CACNA2D2: variants seen among roughly 807,000 people sequenced by gnomAD.
CACNA2D2 encodes the protein calcium voltage-gated channel auxiliary subunit alpha2delta 2, also known as voltage-dependent calcium channel subunit alpha-2/delta-2.
A neutral mutation model predicts 166.4 loss-of-function variants in CACNA2D2; 48 were observed. That is an observed-to-expected ratio of 0.29 (90% confidence interval 0.23 to 0.37). CACNA2D2 has a LOEUF of 0.37. Ranked by LOEUF, CACNA2D2 falls within the 10% of genes least tolerant of loss-of-function variation. The probability of loss-of-function intolerance (pLI) is 1.00; values close to 1 mark genes in which losing one functional copy is unlikely to be tolerated. For synonymous variants in CACNA2D2, 561 were observed against 573.7 expected (o/e 0.98, Z 0.32); for missense variants, 1,122 against 1,433.0 (o/e 0.78, Z 3.50).
At chr3:50,481,383 G>A (rs1698049935) in intron 1 of CACNA2D2, among the ~76,000 whole-genome samples, 1 of 152,206 alleles carries the variant, frequency 6.6e-6, no homozygotes, top group Non-Finnish European at 1.5e-5. Flanking sequence ...CAGATGGCCT[G>A]TCTGGATCAA....
chr3:50,498,590 C>T (rs1698821849), intron 1 of CACNA2D2, among the ~76,000 whole-genome samples: 1 of 152,194 alleles, frequency 6.6e-6, no homozygotes. Context: ...CCATGATGGC[C>T]TGTGTATACG....
chr3:50,364,622 G>C lies in CACNA2D2; in HGVS notation c.*44C>G. On this transcript the variant is annotated 3_prime_UTR_variant, in exon 38 of 38. Transcript: ENST00000424201. ...GGGGCAGGAGGGTGGGAAAGGCGAA[G>C]AGGCCGGGTGAGGTGGGAGTGGAGG... The C allele has an allele frequency of 1.4e-6, 2 of 1,465,856 alleles. No individual in the cohort carries two copies. Among genetic ancestry groups the C allele is most frequent in the African/African-American group, 1.4e-5 (1 of 70,048 alleles). The allele number at this position is 1,465,856 out of a possible 1,614,324, so 90.8% of individuals were successfully genotyped here.
chr3:50,458,462 G>A (rs1709461956), intron 2 of CACNA2D2, among the ~76,000 whole-genome samples: 1 of 152,208 alleles, frequency 6.6e-6, no homozygotes, highest in Admixed American at 6.5e-5. Flanking sequence ...CATGTGGAGG[G>A]TCAGGTGTAG....
At chr3:50,406,990 C>A (rs1187968236) in intron 3 of CACNA2D2, among the ~76,000 whole-genome samples, 1 of 151,886 alleles carries the variant, frequency 6.6e-6, no homozygotes, top group African/African-American at 2.4e-5. Flanking sequence ...GACTCAGTGA[C>A]CAGAGAGCTC....
chr3:50,450,271 G>A (rs1489038133), intron 2 of CACNA2D2, among the ~76,000 whole-genome samples: 1 of 152,082 alleles, frequency 6.6e-6, no homozygotes, highest in African/African-American at 2.4e-5. Flanking sequence ...GTCAGGTGAG[G>A]CAGTCCCTGA....
intron 3 of CACNA2D2, among the ~76,000 whole-genome samples, chr3:50,407,994 G>C (rs1706805888): frequency 6.6e-6 from 1 of 152,160 alleles, no homozygotes; most frequent in Non-Finnish European, 1.5e-5. Context: ...TTGTGCTTAT[G>C]AACATGGCCC....
chr3:50,384,367 A>G, intron 5 of CACNA2D2, 30 bp from the exon 6 acceptor site: 1 of 1,610,134 alleles, frequency 6.2e-7, no homozygotes, highest in East Asian at 2.2e-5. Flanking sequence ...GAGCAATGTC[A>G]GGGCTGGAAA....
At chr3:50,415,086 C>T (rs77453891) in intron 3 of CACNA2D2, among the ~76,000 whole-genome samples, 3,893 of 152,326 alleles carry the variant, frequency 0.026, 173 homozygotes, top group African/African-American at 0.088. Context: ...TCTCCACAGC[C>T]ACCCAGTGTG....
At chr3:50,413,849 A>AAAATAAATAAAT (rs59688623) in intron 3 of CACNA2D2, among the ~76,000 whole-genome samples, 43,066 of 151,122 alleles carry the variant, frequency 0.28, 8,743 homozygotes, top group African/African-American at 0.54. Flanking sequence ...TCCGTCTCAA[A>AAAATAAATAAAT]AAATAAATAA....
chr3:50,439,397 A>G (rs530650905), intron 2 of CACNA2D2, among the ~76,000 whole-genome samples: 2 of 152,356 alleles, frequency 1.3e-5, no homozygotes, highest in African/African-American at 4.8e-5. Context: ...GGAAAATTAA[A>G]TCAGAAAGAA....
chr3:50,420,980 C>T (rs1417069093), intron 3 of CACNA2D2, among the ~76,000 whole-genome samples: 1 of 152,200 alleles, frequency 6.6e-6, no homozygotes, highest in African/African-American at 2.4e-5. Context: ...TGGGGCAGGG[C>T]TCAGTCAGGC....
intron 4 of CACNA2D2, among the ~76,000 whole-genome samples, chr3:50,391,568 G>C (rs1705895271): frequency 6.6e-6 from 1 of 152,238 alleles, no homozygotes; most frequent in Non-Finnish European, 1.5e-5. Context: ...GTTGGCCAGG[G>C]ACGAGGAAGG....
intron 5 of CACNA2D2, among the ~76,000 whole-genome samples, chr3:50,385,871 C>T (rs1705578695): frequency 6.6e-6 from 1 of 152,196 alleles, no homozygotes; most frequent in Non-Finnish European, 1.5e-5. Flanking sequence ...ATGAAGGGCA[C>T]TAGAAAATTT....
At position 50,367,948 on chromosome 3, in the gene CACNA2D2, C is replaced by T. The variant is rs1367552197; in HGVS notation, c.2144-46G>A. ...TGGGGGTGGGGGCATCTTCTTGCAG[C>T]TCCTTGCCCACCCTCACCCCCACCC... is the stretch of plus-strand genomic sequence containing the variant. On this transcript the variant is annotated intron_variant, in intron 24 of 37. Coordinates refer to ENST00000424201, the MANE Select transcript of CACNA2D2 (RefSeq NM_006030.4). This position sits in a 1 kb window ranked among gnomAD's most constrained non-coding sequence, Gnocchi z 6.5. 7.2e-7 allele frequency: 1 copy of T among 1,391,820 alleles called. No homozygotes were observed. Among genetic ancestry groups the T allele is most frequent in the African/African-American group, 1.4e-5 (1 of 70,238 alleles). 86.2% of individuals were successfully genotyped at this position (1,391,820 alleles called of 1,614,324 possible). A position where few individuals can be genotyped will look rare whatever the true frequency, so the allele number is the denominator to read the frequency against.
Position 50,375,922 on chromosome 3 carries a change from C to T in CACNA2D2, c.1773+41G>A. On this transcript the variant is annotated intron_variant, in intron 19 of 37. Transcript: ENST00000424201. The surrounding 1 kb of genome is among the most constrained non-coding windows in gnomAD (Gnocchi z 4.0). ...TGTGAGGGGCAGGGCCCCTACACTC[C>T]TCTGCTCTGTCCCCCACCCCTGTTC... The T allele has an allele frequency of 6.2e-7, 1 of 1,612,998 alleles. No individual in the cohort carries two copies. The highest frequency in any genetic ancestry group is 8.5e-7 in the Non-Finnish European group (1 of 1,179,868).
chr3:50,503,278 G>T lies in CACNA2D2; in HGVS notation c.146C>A (p.Pro49Gln). 8.6e-7 allele frequency: 1 copy of T among 1,166,076 alleles called. No individual in the cohort carries two copies. Among genetic ancestry groups the T allele is most frequent in the African/African-American group, 1.6e-5 (1 of 62,288 alleles). 72.2% of individuals were successfully genotyped at this position (1,166,076 alleles called of 1,614,324 possible). Residue 49 changes from proline (P) to glutamine (Q), a missense_variant, in exon 1 of 38, where the codon CCG becomes CAG. By Grantham distance (76) the Pro-to-Gln change is moderately conservative (BLOSUM62 -1). Around this residue, in one of 2 missense-constraint regions of CACNA2D2, gnomAD observed 840 missense variants for 1,166.8 expected, o/e 0.72. Transcript: ENST00000424201. ...GPPRPLWLLL[P>Q]LLPLLAAPGA... ...GGGGGCGGCGAGCAGCGGTAGAAGC[G>T]GCAGCAGCAGCCACAGCGGGCGCGG...
Position 50,365,544 on chromosome 3 carries a change from TCAGTCGTAGACCC to T in CACNA2D2, c.2972-75_2972-63del. ...ACCCTGGCAAGGTCTCCGGCCTCCC[TCAGTCGTAGACCC>T]CACCCTCCCCATGGAGTCGTCTTAG... On this transcript the variant is annotated intron_variant, in intron 34 of 37. Coordinates refer to ENST00000424201, the MANE Select transcript of CACNA2D2 (RefSeq NM_006030.4). The surrounding 1 kb of genome is among the most constrained non-coding windows in gnomAD (Gnocchi z 4.5). The T allele has an allele frequency of 6.3e-7, 1 of 1,597,792 alleles. No individual in the cohort carries two copies. The highest frequency in any genetic ancestry group is 1.1e-5 in the South Asian group (1 of 89,344).
chr3:50,455,484 T>G (rs1709313685), intron 2 of CACNA2D2, among the ~76,000 whole-genome samples: 1 of 152,198 alleles, frequency 6.6e-6, no homozygotes, highest in Non-Finnish European at 1.5e-5. Context: ...CGTGGAGAGA[T>G]AAATATTTTA....
chr3:50,441,382 T>C (rs1271122963), intron 2 of CACNA2D2, among the ~76,000 whole-genome samples: 3 of 152,224 alleles, frequency 2.0e-5, no homozygotes, highest in African/African-American at 4.8e-5. Flanking sequence ...GTGTAAAAAG[T>C]GCACTTGCTG....
Sources: gnomAD v4.1 joint callset for allele counts (sites outside exome capture counted in the v4.1 genomes callset) on GRCh38, gnomAD v4.1.1 for gene constraint, gnomAD v4.1.1 regional missense constraint, Gnocchi (gnomAD v3.1) non-coding constraint, MANE v1.5 for transcripts, NCBI Gene and HGNC (gene_info 2026-07-23, HGNC 2026-07-21) for gene names.